Variants in NCK2 observed in about 807,000 individuals in gnomAD.
NCK2 encodes the protein cytoplasmic protein NCK2.
A neutral mutation model predicts 33.9 loss-of-function variants in NCK2; 16 were observed. The observed-to-expected ratio is 0.47, with a 90% CI of 0.32 to 0.72. NCK2 has a LOEUF of 0.72. Among genes scored for constraint, NCK2 ranks in the 30% least tolerant of loss-of-function variants. The pLI is 0.03. For missense variants in NCK2, 418 were observed against 537.3 expected (o/e 0.78, Z 2.19); for synonymous variants, 273 against 239.9 (o/e 1.14, Z -1.27).
At chr2:105,777,470 G>A (rs1313179449) in intron 1 of NCK2, among the ~76,000 whole-genome samples, 1 of 152,152 alleles carries the variant, frequency 6.6e-6, no homozygotes, top group Admixed American at 6.5e-5. Context: ...CGGCGTGGGT[G>A]GAGAGTGGTA....
rs1407275695 is a variant in NCK2 at position 105,850,000 on chromosome 2, A to G, written c.-16-5048A>G. On this transcript the variant is annotated intron_variant, in intron 2 of 4. Transcript: ENST00000233154. ...GGGCTAAGGTGGCAGTAAGGCCCAC[A>G]CCTATATAAATGTTAAACCTTGCCC... Among the ~76,000 whole-genome samples, 8 of 152,256 alleles carry G rather than the reference A, an allele frequency of 5.3e-5. No homozygotes were observed. In the East Asian group the frequency reaches 1.4e-3, roughly 26 times the overall value.
chr2:105,876,118 C>T (rs181743723), intron 3 of NCK2, among the ~76,000 whole-genome samples: 102 of 152,268 alleles, frequency 6.7e-4, no homozygotes, highest in African/African-American at 2.3e-3. Context: ...GGTTTTGTAA[C>T]GGTCACATTC....
rs138493683 is a variant in NCK2 at position 105,755,026 on chromosome 2, T to C, written c.-201+9888T>C. On this transcript the variant is annotated intron_variant, in intron 1 of 4. Transcript: ENST00000233154. ...CCCGTCTCTCCCGCCCTGAACACCA[T>C]TTATCTTAATAGTGTGTGTGTTTCC... Among the ~76,000 whole-genome samples the C allele has an allele frequency of 1.9e-3, 286 of 152,218 alleles. 3 individuals are homozygous for C. Among genetic ancestry groups the C allele is most frequent in the African/African-American group, 6.7e-3 (280 of 41,538 alleles).
intron 1 of NCK2, among the ~76,000 whole-genome samples, chr2:105,789,844 T>C (rs957796963): frequency 6.6e-6 from 1 of 152,170 alleles, no homozygotes; most frequent in African/African-American, 2.4e-5. Context: ...TTTTAAAAAG[T>C]CCCCAGGTGA....
In NCK2 at chr2:105,768,610, A is replaced by G. The variant is rs1372346762; in HGVS notation, c.-201+23472A>G. Among the ~76,000 whole-genome samples, 9 of 152,374 alleles carry G rather than the reference A, an allele frequency of 5.9e-5. No individual in the cohort carries two copies. In the East Asian group the frequency reaches 1.2e-3, roughly 20 times the overall value. ...AGCTAGGTTGTCCAACCCGCGGTCC[A>G]GGATGGCTTTGAATACGGCCCAACA... On this transcript the variant is annotated intron_variant, in intron 1 of 4. Transcript: ENST00000233154.
At chr2:105,786,271 C>T (rs992202742) in intron 1 of NCK2, among the ~76,000 whole-genome samples, 1 of 152,216 alleles carries the variant, frequency 6.6e-6, no homozygotes, top group Non-Finnish European at 1.5e-5. Flanking sequence ...TATGTAATAA[C>T]CGTAGTGATC....
intron 2 of NCK2, among the ~76,000 whole-genome samples, chr2:105,826,254 T>G (rs892877045): frequency 6.6e-6 from 1 of 152,114 alleles, no homozygotes; most frequent in Non-Finnish European, 1.5e-5. Flanking sequence ...TCAGATCTCC[T>G]GAGAACTCAG....
At chr2:105,892,257 T>G (rs1048875144) in intron 4 of NCK2, among the ~76,000 whole-genome samples, 2 of 152,146 alleles carry the variant, frequency 1.3e-5, no homozygotes, top group African/African-American at 2.4e-5. Flanking sequence ...GTAGTAAAAT[T>G]TCTAGCTACT....
At chr2:105,848,414 G>A (rs1676933707) in intron 2 of NCK2, 1 of 152,226 alleles carries the variant, frequency 6.6e-6, no homozygotes, top group Non-Finnish European at 1.5e-5. Context: ...ACCGGCAGCA[G>A]ATTTTGACCA....
At chr2:105,835,776 C>T (rs1676408224) in intron 2 of NCK2, among the ~76,000 whole-genome samples, 1 of 151,884 alleles carries the variant, frequency 6.6e-6, no homozygotes, top group Non-Finnish European at 1.5e-5. Flanking sequence ...TATATGTTTG[C>T]TTAATAGGAT....
At chr2:105,750,194 G>C (rs1191601989) in intron 1 of NCK2, among the ~76,000 whole-genome samples, 1 of 152,124 alleles carries the variant, frequency 6.6e-6, no homozygotes, top group Non-Finnish European at 1.5e-5. Flanking sequence ...TTCCTGGCTC[G>C]TCTTCTTGTG....
intron 4 of NCK2, among the ~76,000 whole-genome samples, chr2:105,889,781 C>T (rs962845523): frequency 4.6e-5 from 7 of 151,876 alleles, no homozygotes; most frequent in African/African-American, 1.2e-4. Context: ...AGATAGGGTC[C>T]CACTATGTTG....
chr2:105,779,959 C>G (rs1429572734), intron 1 of NCK2, among the ~76,000 whole-genome samples: 1 of 152,160 alleles, frequency 6.6e-6, no homozygotes, highest in Non-Finnish European at 1.5e-5. Context: ...CTTCACAGCT[C>G]AGCGAATTCT....
chr2:105,781,353 G>A (rs1434066879), intron 1 of NCK2, among the ~76,000 whole-genome samples: 4 of 148,512 alleles, frequency 2.7e-5, no homozygotes, highest in East Asian at 1.9e-4. Flanking sequence ...TCCCATCTCC[G>A]CTTCCACCTC....
At chr2:105,794,638 T>C (rs1194248611) in intron 1 of NCK2, among the ~76,000 whole-genome samples, 1 of 152,086 alleles carries the variant, frequency 6.6e-6, no homozygotes, top group Non-Finnish European at 1.5e-5. Context: ...ATTTATAGTT[T>C]AGTTTGTTTC....
At chr2:105,856,543 G>A (rs973364018) in intron 3 of NCK2, 1 of 152,236 alleles carries the variant, frequency 6.6e-6, no homozygotes, top group African/African-American at 2.4e-5. Context: ...TACACCAAAT[G>A]TGGTGGGTGT....
Position 105,892,983 on chromosome 2 carries a change from C to G in NCK2, c.950C>G (p.Pro317Arg). 1 of 1,604,852 alleles carries G rather than the reference C, an allele frequency of 6.2e-7. No homozygotes were observed. Among genetic ancestry groups the G allele is most frequent in the Non-Finnish European group, 8.5e-7 (1 of 1,172,362 alleles). The change falls in exon 5 of 5, where the codon CCC becomes CGC. Residue 317 changes from proline (P) to arginine (R), a missense_variant and splice_region_variant. Transcript: ENST00000233154. ...DFLIRDSESS[P>R]SDFSVSLKAS... Reference sequence around the variant, plus strand: ...AACTGTGTTCTGTTTCCTCCCCAGCCCAGCGACTTCTCCGTGTCCCTTAAA... The same window carrying G: ...AACTGTGTTCTGTTTCCTCCCCAGCGCAGCGACTTCTCCGTGTCCCTTAAA...
At chr2:105,876,259 A>G (rs557076904) in intron 3 of NCK2, among the ~76,000 whole-genome samples, 6 of 152,346 alleles carry the variant, frequency 3.9e-5, no homozygotes, top group African/African-American at 1.4e-4. Flanking sequence ...AGAAAAACAC[A>G]TCATTTCATC....
intron 4 of NCK2, among the ~76,000 whole-genome samples, chr2:105,882,312 T>C (rs754966125): frequency 3.3e-5 from 5 of 152,328 alleles, no homozygotes; most frequent in Admixed American, 6.5e-5. Flanking sequence ...TCTCCCAAGA[T>C]TCCCCCTCTT....
Sources: allele counts gnomAD v4.1 joint callset (sites outside exome capture counted in the v4.1 genomes callset), GRCh38; gene constraint gnomAD v4.1.1; transcripts MANE v1.5; gene names NCBI Gene and HGNC (gene_info 2026-07-23, HGNC 2026-07-21).